SRP54: variants seen among roughly 807,000 people sequenced by gnomAD.
SRP54 encodes signal recognition particle subunit SRP54.
A neutral mutation model predicts 64.8 loss-of-function variants in SRP54; 10 were observed. The observed-to-expected ratio is 0.15, with a 90% CI of 0.10 to 0.26. The LOEUF (loss-of-function observed/expected upper bound fraction) is 0.26. Ranked by LOEUF, SRP54 falls within the 10% of genes least tolerant of loss-of-function variation. The pLI is 1.00. For missense variants in SRP54, 325 were observed against 613.7 expected (o/e 0.53, Z 4.97); for synonymous variants, 193 against 185.6 (o/e 1.04, Z -0.32).
chr14:35,013,317 A>G (rs770077941), intron 8 of SRP54, 29 bp from the exon 9 acceptor site: 32 of 1,595,468 alleles, frequency 2.0e-5, no homozygotes, highest in Non-Finnish European at 2.7e-5. Flanking sequence ...AATCTTTTCT[A>G]AAGTATCTTT....
At chr14:35,002,737 CTTTT>C (rs71121258) in intron 4 of SRP54, among the ~76,000 whole-genome samples, 10 of 95,002 alleles carry the variant, frequency 1.1e-4, no homozygotes, top group South Asian at 3.9e-4. Flanking sequence ...GCCTGGCCTC[CTTTT>C]TTTTTTTTTT....
intron 4 of SRP54, 89 bp downstream of exon 4, chr14:35,001,109 GT>G (rs1374196104): frequency 5.3e-6 from 2 of 380,728 alleles, no homozygotes; most frequent in South Asian, 6.6e-5. Flanking sequence ...TTTTAAATAT[GT>G]TTTTTATGGA....
intron 14 of SRP54, among the ~76,000 whole-genome samples, chr14:35,024,828 G>A (rs925843645): frequency 9.2e-5 from 14 of 152,054 alleles, no homozygotes; most frequent in African/African-American, 3.4e-4. Flanking sequence ...CTGGGTTCAA[G>A]CTATTCTCCT....
chr14:35,029,004 T>C, intron 15 of SRP54, 57 bp from the exon 16 acceptor site: 1 of 1,384,788 alleles, frequency 7.2e-7, no homozygotes, highest in Non-Finnish European at 1.0e-6. Context: ...AATAAATGTT[T>C]CCAGTTCTGC....
chr14:35,025,318 T>C (rs751907483), intron 14 of SRP54, among the ~76,000 whole-genome samples: 2 of 152,220 alleles, frequency 1.3e-5, no homozygotes, highest in African/African-American at 2.4e-5. Flanking sequence ...TATTTCCAGA[T>C]GTTTTAAATT....
intron 4 of SRP54, among the ~76,000 whole-genome samples, chr14:35,003,651 C>T (rs2044212661): frequency 6.6e-6 from 1 of 150,528 alleles, no homozygotes; most frequent in East Asian, 2.0e-4. Context: ...TTGCTGCAGC[C>T]TCATCCTCCC....
rs182230318 is a variant in SRP54 at position 35,008,967 on chromosome 14, A to G, written c.485+136A>G. On this transcript the variant is annotated intron_variant, in intron 7 of 15. Coordinates refer to ENST00000216774, the MANE Select transcript of SRP54 (RefSeq NM_003136.4). Reference sequence around the variant, plus strand: ...AATGGTGCGATCTTGGCTCACTGCAACCACCACCTCCTGGGTTCAAGTGAT... The same window carrying G: ...AATGGTGCGATCTTGGCTCACTGCAGCCACCACCTCCTGGGTTCAAGTGAT... The G allele has an allele frequency of 9.2e-4, 565 of 613,466 alleles. 1 individual carries two copies. Among genetic ancestry groups the G allele is most frequent in the African/African-American group, 8.1e-3 (428 of 52,778 alleles). 38.0% of individuals were successfully genotyped at this position (613,466 alleles called of 1,614,324 possible). A position where few individuals can be genotyped will look rare whatever the true frequency, so the allele number is the denominator to read the frequency against.
In SRP54 at chr14:35,013,821, C is replaced by T. The variant is rs1262755314; in HGVS notation, c.805C>T (p.Pro269Ser). ...TTCCAGAGTCGCTGCCACAAAAAGT[C>T]CGATTATTTTCATTGGTACAGGGGA... ...ALSAVAATKSPIIFIGTGEHI... is the reference protein window; with the variant it reads ...ALSAVAATKSSIIFIGTGEHI... Residue 269 changes from proline to serine, a missense_variant, in exon 10 of 16, where the codon CCG becomes TCG. Pro to Ser is a moderately conservative substitution (Grantham distance 74, BLOSUM62 -1). Around this residue, in one of 3 missense-constraint regions of SRP54, gnomAD observed 146 missense variants for 337.4 expected, o/e 0.43. Transcript: ENST00000216774. 1 of 1,609,480 alleles carries T rather than the reference C, an allele frequency of 6.2e-7. No homozygotes were observed. The highest frequency in any genetic ancestry group is 8.5e-7 in the Non-Finnish European group (1 of 1,178,864).
chr14:35,002,341 G>A (rs2138986562), intron 4 of SRP54, among the ~76,000 whole-genome samples: 1 of 152,094 alleles, frequency 6.6e-6, no homozygotes, highest in South Asian at 2.1e-4. Context: ...GGGAGAGGGT[G>A]AGACCCTGTC....
At chr14:34,999,014 G>GTGTGGT (rs2044128296) in intron 2 of SRP54, among the ~76,000 whole-genome samples, 13 of 36,668 alleles carry the variant, frequency 3.5e-4, no homozygotes, top group African/African-American at 7.3e-4. Flanking sequence ...TGTGTGTGTG[G>GTGTGGT]TTTTTTTTTT....
rs2044386841 is a variant in SRP54, at chr14:35,013,392, C to T, written c.683C>T (p.Ala228Val). 6.2e-7 allele frequency: 1 copy of T among 1,613,956 alleles called. No homozygotes were observed. The highest frequency in any genetic ancestry group is 1.7e-5 in the Admixed American group (1 of 59,992). Residue 228 changes from alanine (A) to valine (V), a missense_variant, in exon 9 of 16, where the codon GCT (alanine) becomes GTT (valine). Transcript: ENST00000216774. ...VYVMDASIGQACEAQAKAFKD... is the reference protein window; with the variant it reads ...VYVMDASIGQVCEAQAKAFKD... ...GTGATGGATGCCTCCATTGGGCAGG[C>T]TTGTGAAGCCCAGGCTAAGGCTTTT...
At position 35,018,946 on chromosome 14, in the gene SRP54, T is replaced by C; in HGVS notation, c.1048-20T>C. 2 of 1,602,862 alleles carry C rather than the reference T, an allele frequency of 1.2e-6. No individual in the cohort carries two copies. Among genetic ancestry groups the C allele is most frequent in the East Asian group, 4.5e-5 (2 of 44,718 alleles). On this transcript the variant is annotated intron_variant, in intron 12 of 15. Coordinates refer to ENST00000216774, the MANE Select transcript of SRP54 (RefSeq NM_003136.4). ...ATTAATCTTAAGCTACTATTGACTT[T>C]ATGTTTAAATCTGTTGTAGGGGATG... is the stretch of plus-strand genomic sequence containing the variant.
chr14:35,007,455 T>A lies in SRP54; in HGVS notation c.360+68T>A, dbSNP rs957690315. On this transcript the variant is annotated intron_variant, in intron 5 of 15. Transcript: ENST00000216774. Reference sequence around the variant, plus strand: ...GTTTGTATAAATCAAGTTTTGTATTTAATATAAAAATGTAAAGCCTGGCTT... The same window carrying A: ...GTTTGTATAAATCAAGTTTTGTATTAAATATAAAAATGTAAAGCCTGGCTT... The A allele has an allele frequency of 5.7e-5, 49 of 862,284 alleles. 1 individual carries two copies. The highest frequency in any genetic ancestry group is 7.9e-5 in the Non-Finnish European group (48 of 608,610). 53.4% of individuals were successfully genotyped at this position (862,284 alleles called of 1,614,324 possible). A position where few individuals can be genotyped will look rare whatever the true frequency, so the allele number is the denominator to read the frequency against.
intron 2 of SRP54, among the ~76,000 whole-genome samples, chr14:34,998,702 A>G (rs1238771752): frequency 6.6e-6 from 1 of 151,846 alleles, no homozygotes; most frequent in African/African-American, 2.4e-5. Flanking sequence ...AATCCCAGCT[A>G]CTAGGGAGGC....
chr14:35,012,286 G>C (rs1006857830), intron 8 of SRP54, among the ~76,000 whole-genome samples: 6 of 150,770 alleles, frequency 4.0e-5, no homozygotes, highest in African/African-American at 1.5e-4. Flanking sequence ...TAAAAATTCA[G>C]TTGGAAATAC....
intron 12 of SRP54, 27 bp downstream of exon 12, chr14:35,018,792 T>A: frequency 6.3e-7 from 1 of 1,576,064 alleles, no homozygotes; most frequent in Non-Finnish European, 8.6e-7. Context: ...ACTTTATACC[T>A]TCTTTTGTTT....
chr14:34,988,359 C>T (rs550803662), intron 1 of SRP54, among the ~76,000 whole-genome samples: 2 of 150,640 alleles, frequency 1.3e-5, no homozygotes, highest in South Asian at 4.2e-4. Flanking sequence ...GTCAAGAGGT[C>T]GAGACCATCC....
chr14:34,992,819 C>T (rs572275862), intron 1 of SRP54, among the ~76,000 whole-genome samples: 20 of 151,886 alleles, frequency 1.3e-4, no homozygotes, highest in Non-Finnish European at 2.8e-4. Context: ...AAGACACTTC[C>T]TAAAGTTTGC....
In SRP54 at chr14:34,985,725, A is replaced by G. The variant is rs140510720; in HGVS notation, c.-34+2510A>G. 3.9e-3 allele frequency among the ~76,000 whole-genome samples: 594 copies of G among 152,320 alleles called. 5 individuals carry two copies. The highest frequency in any genetic ancestry group is 0.014 in the African/African-American group (576 of 41,574). ...GATTATGAACCCTTGCTGCACATCA[A>G]TATAGCTAGTGAAAGTTTTCAAAAC... is the stretch of plus-strand genomic sequence containing the variant. On this transcript the variant is annotated intron_variant, in intron 1 of 15. Transcript: ENST00000216774.
Sources: allele counts gnomAD v4.1 joint callset (sites outside exome capture counted in the v4.1 genomes callset), GRCh38; gene constraint gnomAD v4.1.1; regional missense constraint gnomAD v4.1.1; transcripts MANE v1.5; gene names NCBI Gene and HGNC (gene_info 2026-07-23, HGNC 2026-07-21).